Variants in JMJD1C observed in about 807,000 individuals in gnomAD.
JMJD1C encodes the protein jumonji domain containing 1C, also known as jumonji domain-containing protein 1C.
In JMJD1C, 31 loss-of-function variants were observed where a neutral mutation model predicts 245.3. That is an observed-to-expected ratio of 0.13 (90% CI 0.09 to 0.17). JMJD1C has a LOEUF of 0.17. JMJD1C is among the 10% of genes least tolerant of loss of function. The pLI is 1.00. For synonymous variants in JMJD1C, 1,057 were observed against 1,017.4 expected, an observed-to-expected ratio of 1.04 and a Z score of -0.74; for missense variants, 2,691 against 3,000.2, an observed-to-expected ratio of 0.90 and a Z score of 2.41.
intron 24 of JMJD1C, among the ~76,000 whole-genome samples, chr10:63,174,329 A>C (rs567488690): frequency 1.3e-5 from 2 of 152,342 alleles, no homozygotes; most frequent in Admixed American, 1.3e-4. Context: ...AAAAATGAAA[A>C]AAATATTCAT....
At chr10:63,398,713 G>A (rs547586172) in intron 1 of JMJD1C, among the ~76,000 whole-genome samples, 128 of 151,302 alleles carry the variant, frequency 8.5e-4, no homozygotes, top group African/African-American at 2.8e-3. Context: ...GCGCAATCTC[G>A]GCTCACTGCA....
At position 63,189,425 on chromosome 10, in the gene JMJD1C, T is replaced by C. The variant is rs773164099; in HGVS notation, c.6313A>G (p.Met2105Val). 2.7e-5 allele frequency: 44 copies of C among 1,612,676 alleles called. No homozygotes were observed. Among genetic ancestry groups the C allele is most frequent in the Admixed American group, 8.4e-5 (5 of 59,828 alleles). The change falls in exon 18 of 26, where the codon ATG (methionine) becomes GTG (valine). Residue 2105 changes from methionine to valine, a missense_variant. Around this residue, in one of 9 missense-constraint regions of JMJD1C, gnomAD observed 275 missense variants for 285.5 expected, o/e 0.96. Coordinates refer to ENST00000399262, the MANE Select transcript of JMJD1C (RefSeq NM_032776.3). ...ATTATGTCATCAAGAATGTTAGGCA[T>C]AGTCCGTCCACTTTTGCTACTCTAT... ...GAPSSKSGRT[M>V]PNILDDIIAS...
chr10:63,174,332 AT>A (rs1230546649), intron 24 of JMJD1C, among the ~76,000 whole-genome samples: 2 of 152,254 alleles, frequency 1.3e-5, no homozygotes, highest in African/African-American at 2.4e-5. Flanking sequence ...AATGAAAAAA[AT>A]ATTCATACAA....
At chr10:63,389,194 C>T (rs930022351) in intron 1 of JMJD1C, among the ~76,000 whole-genome samples, 1 of 151,576 alleles carries the variant, frequency 6.6e-6, no homozygotes, top group Admixed American at 6.6e-5. Context: ...TGCCTGTAAT[C>T]CCAGCTACTC....
chr10:63,412,269 A>G (rs1481748047), intron 1 of JMJD1C, among the ~76,000 whole-genome samples: 3 of 152,026 alleles, frequency 2.0e-5, no homozygotes, highest in Non-Finnish European at 4.4e-5. Flanking sequence ...TCTATTATAT[A>G]CTGTATTCTT....
In JMJD1C at chr10:63,189,313, C is replaced by A. The variant is rs750159796; in HGVS notation, c.6425G>T (p.Ser2142Ile). The A allele has an allele frequency of 2.5e-6, 4 of 1,613,804 alleles. No individual in the cohort carries two copies. The highest frequency in any genetic ancestry group is 3.4e-6 in the Non-Finnish European group (4 of 1,179,868). ...ATTTTCATCCACTGCAGATATTATGCTTTCTTCAGGCTCTTCTTTAAGCTC... is the reference window on the plus strand; with the variant it reads ...ATTTTCATCCACTGCAGATATTATGATTTCTTCAGGCTCTTCTTTAAGCTC... Reference protein sequence around the residue: ...KPELKEEPEESIISAVDENNK... With the variant: ...KPELKEEPEEIIISAVDENNK... The change falls in exon 18 of 26, where the codon AGC (serine) becomes ATC (isoleucine). Residue 2142 changes from serine to isoleucine, a missense_variant. Ser to Ile is a moderately radical substitution (Grantham distance 142, BLOSUM62 -2). Around this residue, in one of 9 missense-constraint regions of JMJD1C, gnomAD observed 275 missense variants for 285.5 expected, o/e 0.96. Coordinates refer to ENST00000399262, the MANE Select transcript of JMJD1C (RefSeq NM_032776.3).
chr10:63,482,929 G>C (rs1335835170), intron 1 of JMJD1C, among the ~76,000 whole-genome samples: 3 of 152,154 alleles, frequency 2.0e-5, no homozygotes, highest in Admixed American at 6.5e-5. Flanking sequence ...AGAAATCAAT[G>C]AAATGCTTCC....
intron 1 of JMJD1C, among the ~76,000 whole-genome samples, chr10:63,488,479 C>G (rs918222992): frequency 6.6e-6 from 1 of 151,808 alleles, no homozygotes; most frequent in African/African-American, 2.4e-5. Context: ...CAAGGCTTTC[C>G]TAACGTTTCT....
intron 4 of JMJD1C, among the ~76,000 whole-genome samples, chr10:63,218,164 T>C (rs772743019): frequency 1.3e-5 from 2 of 152,112 alleles, no homozygotes; most frequent in Non-Finnish European, 2.9e-5. Flanking sequence ...CTCCTAAGTA[T>C]TGTTAGCCCT....
intron 1 of JMJD1C, among the ~76,000 whole-genome samples, chr10:63,502,408 G>A (rs1954587672): frequency 6.6e-6 from 1 of 152,018 alleles, no homozygotes; most frequent in African/African-American, 2.4e-5. Context: ...GGAGGCCGAG[G>A]CAGGTGGATC....
intron 2 of JMJD1C, among the ~76,000 whole-genome samples, chr10:63,329,085 C>T (rs900622357): frequency 3.9e-5 from 6 of 151,904 alleles, no homozygotes; most frequent in Admixed American, 1.3e-4. Flanking sequence ...AGTTCAAGAC[C>T]AGCCTGGGCA....
intron 3 of JMJD1C, among the ~76,000 whole-genome samples, chr10:63,257,368 C>G (rs951921723): frequency 6.6e-6 from 1 of 152,124 alleles, no homozygotes; most frequent in Non-Finnish European, 1.5e-5. Flanking sequence ...CTGAAAAGTT[C>G]TTTTAAGATA....
intron 2 of JMJD1C, among the ~76,000 whole-genome samples, chr10:63,293,528 A>T (rs1479275529): frequency 6.6e-6 from 1 of 152,186 alleles, no homozygotes. Context: ...AAAAATACAC[A>T]ATCAACACAC....
intron 1 of JMJD1C, chr10:63,427,942 A>T: frequency 4.2e-6 from 3 of 708,108 alleles, no homozygotes; most frequent in East Asian, 2.7e-5. Context: ...CAGCAGCAGC[A>T]GTTTGTGTGG....
chr10:63,490,965 T>C (rs191794683), intron 1 of JMJD1C, among the ~76,000 whole-genome samples: 27 of 152,356 alleles, frequency 1.8e-4, no homozygotes, highest in African/African-American at 5.3e-4. Context: ...GAGCAATCTA[T>C]AGATAGCTCA....
intron 1 of JMJD1C, among the ~76,000 whole-genome samples, chr10:63,503,204 A>G (rs1424936566): frequency 6.6e-6 from 1 of 152,184 alleles, no homozygotes; most frequent in Non-Finnish European, 1.5e-5. Context: ...ATACTTCCAA[A>G]ATCTAAATGA....
intron 1 of JMJD1C, among the ~76,000 whole-genome samples, chr10:63,430,382 A>G (rs1228329213): frequency 2.0e-5 from 3 of 152,252 alleles, no homozygotes; most frequent in Admixed American, 6.5e-5. Flanking sequence ...GCTAAAGAAT[A>G]GAAGAAAATA....
At chr10:63,420,911 A>T (rs1950090347) in intron 1 of JMJD1C, among the ~76,000 whole-genome samples, 1 of 152,120 alleles carries the variant, frequency 6.6e-6, no homozygotes, top group Non-Finnish European at 1.5e-5. Flanking sequence ...TATAATGGAG[A>T]CCAAAAAACC....
chr10:63,331,202 A>G (rs7924280), intron 2 of JMJD1C, among the ~76,000 whole-genome samples: 5,383 of 152,284 alleles, frequency 0.035, 255 homozygotes, highest in African/African-American at 0.11. Flanking sequence ...GGTTTCAAAC[A>G]TAACACTTTT....
Sources: gnomAD v4.1 joint callset for allele counts (sites outside exome capture counted in the v4.1 genomes callset) on GRCh38, gnomAD v4.1.1 for gene constraint, gnomAD v4.1.1 regional missense constraint, MANE v1.5 for transcripts, NCBI Gene and HGNC (gene_info 2026-07-23, HGNC 2026-07-21) for gene names.